The following PTPN4 variants were observed in gnomAD, a reference collection of about 807,000 sequenced individuals.
The protein encoded by PTPN4 is protein tyrosine phosphatase non-receptor type 4, also known as tyrosine-protein phosphatase non-receptor type 4.
A neutral mutation model predicts 135.5 loss-of-function variants in PTPN4; 49 were observed. The observed-to-expected ratio is 0.36, with a 90% CI of 0.29 to 0.46. The LOEUF (loss-of-function observed/expected upper bound fraction) is 0.46, where lower values mean the gene tolerates loss of function less well. Ranked by LOEUF, PTPN4 falls within the 20% of genes least tolerant of loss-of-function variation. The pLI is 1.00. For synonymous variants in PTPN4, 333 were observed against 369.9 expected (o/e 0.90, Z 1.14); for missense variants, 860 against 1,101.0 (o/e 0.78, Z 3.10).
At chr2:119,957,947 G>A (rs1679312296) in intron 22 of PTPN4, among the ~76,000 whole-genome samples, 1 of 151,924 alleles carries the variant, frequency 6.6e-6, no homozygotes. Context: ...AAATCTCAAG[G>A]GGAGGTTTTT....
intron 12 of PTPN4, among the ~76,000 whole-genome samples, chr2:119,925,052 C>G (rs1374182777): frequency 1.3e-5 from 2 of 152,110 alleles, no homozygotes; most frequent in Non-Finnish European, 2.9e-5. Flanking sequence ...AGCTCTGTTT[C>G]CCTGACTGAA....
chr2:119,959,346 T>C (rs1679332070), intron 22 of PTPN4, among the ~76,000 whole-genome samples: 1 of 151,914 alleles, frequency 6.6e-6, no homozygotes, highest in African/African-American at 2.4e-5. Flanking sequence ...AAAGTGCAAA[T>C]GAAAACTTCA....
Position 119,965,561 on chromosome 2 carries a change from A to C in PTPN4, c.2474A>C (p.Asp825Ala), listed in dbSNP as rs771327878. ...YIAWPDHGVP[D>A]DSSDFLDFVC... Reference sequence around the variant, plus strand: ...GCCTGGCCTGACCATGGAGTCCCTGATGATTCGAGTGACTTTCTAGATTTT... The same window carrying C: ...GCCTGGCCTGACCATGGAGTCCCTGCTGATTCGAGTGACTTTCTAGATTTT... Residue 825 changes from aspartate (D) to alanine (A), a missense_variant, in exon 25 of 27, where the codon GAT becomes GCT. By Grantham distance (126) the Asp-to-Ala change is moderately radical (BLOSUM62 -2). Coordinates refer to ENST00000263708, the MANE Select transcript of PTPN4 (RefSeq NM_002830.4). 6.2e-7 allele frequency: 1 copy of C among 1,613,648 alleles called. No homozygotes were observed. Among genetic ancestry groups the C allele is most frequent in the African/African-American group, 1.3e-5 (1 of 75,044 alleles).
intron 1 of PTPN4, among the ~76,000 whole-genome samples, chr2:119,778,565 G>A (rs917434716): frequency 1.3e-5 from 2 of 152,086 alleles, no homozygotes; most frequent in Admixed American, 6.5e-5. Flanking sequence ...TTAGTGGGTC[G>A]GGAGTGTGTT....
chr2:119,859,043 TTTTA>T (rs1472015682), intron 2 of PTPN4, among the ~76,000 whole-genome samples: 1 of 152,208 alleles, frequency 6.6e-6, no homozygotes, highest in African/African-American at 2.4e-5. Context: ...TCTAGTCAGT[TTTTA>T]TTTGTTATTG....
chr2:119,969,369 T>C (rs570923396), intron 26 of PTPN4, among the ~76,000 whole-genome samples: 1 of 152,230 alleles, frequency 6.6e-6, no homozygotes, highest in African/African-American at 2.4e-5. Context: ...ATCATGTTTA[T>C]ACTCAGATCC....
intron 13 of PTPN4, among the ~76,000 whole-genome samples, chr2:119,930,829 G>GTTT (rs533782080): frequency 7.2e-6 from 1 of 138,476 alleles, no homozygotes. Flanking sequence ...CTTGGTAATT[G>GTTT]TTTTTTTTTT....
chr2:119,789,553 A>AG (rs1002192569), intron 1 of PTPN4, among the ~76,000 whole-genome samples: 1 of 152,082 alleles, frequency 6.6e-6, no homozygotes, highest in African/African-American at 2.4e-5. Flanking sequence ...TTGTGTATGC[A>AG]GGGGTTTATT....
In PTPN4 at chr2:119,785,078, C is replaced by T. The variant is rs1691023247; in HGVS notation, c.-18+24694C>T. On this transcript the variant is annotated intron_variant, in intron 1 of 26. Transcript: ENST00000263708. ...CCAGATCATTATTTGTATGATTGTC[C>T]TGTGCAATCCGTGATGTCTAATGGC... 2.0e-5 allele frequency among the ~76,000 whole-genome samples: 3 copies of T among 152,104 alleles called. No homozygotes were observed. The South Asian group carries it at 6.2e-4, about 32-fold the overall frequency.
intron 1 of PTPN4, among the ~76,000 whole-genome samples, chr2:119,784,779 C>T (rs1691017277): frequency 7.1e-6 from 1 of 141,026 alleles, no homozygotes; most frequent in African/African-American, 2.7e-5. Flanking sequence ...CTCAAGCAGT[C>T]TGCCCGCCTC....
chr2:119,893,768 T>C (rs569569297), intron 9 of PTPN4, among the ~76,000 whole-genome samples: 22 of 152,214 alleles, frequency 1.4e-4, no homozygotes, highest in African/African-American at 5.1e-4. Context: ...TCAGGAGCAG[T>C]CAGCTTTGTC....
chr2:119,765,134 T>C (rs1690587161), intron 1 of PTPN4, among the ~76,000 whole-genome samples: 1 of 152,248 alleles, frequency 6.6e-6, no homozygotes. Context: ...GGGATTAAGA[T>C]ACTATATGTA....
chr2:119,801,937 C>G (rs1379252508), intron 1 of PTPN4, among the ~76,000 whole-genome samples: 2 of 100,364 alleles, frequency 2.0e-5, no homozygotes, highest in Non-Finnish European at 3.8e-5. Flanking sequence ...GTCTTATTCT[C>G]TCACCCAGGC....
chr2:119,800,575 A>T (rs150406717), intron 1 of PTPN4, among the ~76,000 whole-genome samples: 216 of 150,002 alleles, frequency 1.4e-3, no homozygotes, highest in African/African-American at 5.0e-3. Flanking sequence ...GATATAGCTA[A>T]TTTGTCTTTT....
At chr2:119,857,349 G>T (rs1677696057) in intron 2 of PTPN4, among the ~76,000 whole-genome samples, 1 of 152,048 alleles carries the variant, frequency 6.6e-6, no homozygotes, top group Non-Finnish European at 1.5e-5. Context: ...TGGCCAACAT[G>T]GTGAAACCCC....
chr2:119,971,558 AT>A (rs1679535526), intron 26 of PTPN4, among the ~76,000 whole-genome samples: 1 of 151,954 alleles, frequency 6.6e-6, no homozygotes, highest in South Asian at 2.1e-4. Flanking sequence ...TATTTTTTTT[AT>A]GTTTTCTGGA....
intron 3 of PTPN4, among the ~76,000 whole-genome samples, chr2:119,869,968 C>G (rs1677887066): frequency 6.6e-6 from 1 of 152,170 alleles, no homozygotes; most frequent in Middle Eastern, 3.2e-3. Context: ...AACTGAGAAA[C>G]TATTTGAGGC....
At chr2:119,770,936 G>A (rs1690721722) in intron 1 of PTPN4, among the ~76,000 whole-genome samples, 1 of 150,182 alleles carries the variant, frequency 6.7e-6, no homozygotes, top group Admixed American at 6.7e-5. Context: ...CTGGAGTGCA[G>A]TGGCGCAGTC....
intron 3 of PTPN4, among the ~76,000 whole-genome samples, chr2:119,874,008 G>A (rs115177292): frequency 0.021 from 3,127 of 152,200 alleles, 47 homozygotes; most frequent in Non-Finnish European, 0.032. Context: ...ATACACAGAT[G>A]TTCATAGCAA....
Sources: allele counts gnomAD v4.1 joint callset (sites outside exome capture counted in the v4.1 genomes callset), GRCh38; gene constraint gnomAD v4.1.1; transcripts MANE v1.5; gene names NCBI Gene and HGNC (gene_info 2026-07-23, HGNC 2026-07-21).